Variants in ANLN observed in about 807,000 individuals in gnomAD.
ANLN encodes anillin.
ANLN carries 59 observed loss-of-function variants against 135.1 expected under a neutral mutation model. The ratio of observed to expected loss-of-function variants is 0.44; its 90% CI spans 0.35 to 0.54. The LOEUF is 0.54. ANLN is among the 20% of genes least tolerant of loss of function. The probability of loss-of-function intolerance (pLI) is 0.00; values close to 1 mark genes in which losing one functional copy is unlikely to be tolerated. For missense variants in ANLN, 1,182 were observed against 1,340.0 expected (o/e 0.88, Z 1.84); for synonymous variants, 406 against 456.4 (o/e 0.89, Z 1.41).
At chr7:36,444,314 T>C (rs1403341829) in intron 22 of ANLN, among the ~76,000 whole-genome samples, 1 of 150,404 alleles carries the variant, frequency 6.6e-6, no homozygotes, top group African/African-American at 2.5e-5. Context: ...AATGTTTTTG[T>C]TGTAGGTGTG....
chr7:36,435,269 C>G (rs991864514), intron 20 of ANLN, among the ~76,000 whole-genome samples: 3 of 152,158 alleles, frequency 2.0e-5, no homozygotes, highest in African/African-American at 7.2e-5. Flanking sequence ...CCAGCCACTA[C>G]AGGCAACCAT....
chr7:36,438,808 A>T (rs182487639), intron 20 of ANLN, among the ~76,000 whole-genome samples: 3 of 152,200 alleles, frequency 2.0e-5, no homozygotes, highest in African/African-American at 7.2e-5. Flanking sequence ...GAATTCAAGG[A>T]CTGGCTTTTC....
At chr7:36,436,895 A>G (rs2116760895) in intron 20 of ANLN, among the ~76,000 whole-genome samples, 1 of 152,334 alleles carries the variant, frequency 6.6e-6, no homozygotes. Context: ...TATCAGATAT[A>G]TAATTGACAA....
chr7:36,440,220 G>A (rs915079934), intron 21 of ANLN, among the ~76,000 whole-genome samples: 9 of 152,208 alleles, frequency 5.9e-5, no homozygotes, highest in African/African-American at 1.9e-4. Context: ...CCAACTCACT[G>A]GAGGAGTGCC....
At chr7:36,408,237 G>A (rs1418989852) in intron 5 of ANLN, among the ~76,000 whole-genome samples, 1 of 152,006 alleles carries the variant, frequency 6.6e-6, no homozygotes, top group African/African-American at 2.4e-5. Context: ...TTTTGATTCA[G>A]ACAAAGCATG....
At chr7:36,445,832 A>G (rs1448326619) in intron 22 of ANLN, among the ~76,000 whole-genome samples, 1 of 152,196 alleles carries the variant, frequency 6.6e-6, no homozygotes, top group Non-Finnish European at 1.5e-5. Context: ...TTCCATTCCC[A>G]CCAGGAGTAT....
chr7:36,452,455 CTT>C lies in ANLN; in HGVS notation c.3252-20_3252-19del. On this transcript the variant is annotated intron_variant, in intron 23 of 23. Coordinates refer to ENST00000265748, the MANE Select transcript of ANLN (RefSeq NM_018685.5). The stretch of plus-strand genomic sequence containing the variant: ...AATGGAGGGAGAAGAATTCTGACCT[CTT>C]TGGTTGTTTGTTCCTGTAGGAACTG... 6.2e-7 allele frequency: 1 copy of C among 1,613,696 alleles called. No individual in the cohort carries two copies. Among genetic ancestry groups the C allele is most frequent in the South Asian group, 1.1e-5 (1 of 91,066 alleles).
At chr7:36,443,454 T>A (rs1788861336) in intron 21 of ANLN, among the ~76,000 whole-genome samples, 1 of 152,076 alleles carries the variant, frequency 6.6e-6, no homozygotes, top group Non-Finnish European at 1.5e-5. Context: ...TTCTGTTGTT[T>A]AAGGAGCATT....
At chr7:36,441,429 A>G (rs983567395) in intron 21 of ANLN, among the ~76,000 whole-genome samples, 15 of 152,128 alleles carry the variant, frequency 9.9e-5, no homozygotes, top group African/African-American at 3.6e-4. Flanking sequence ...TACCCCCTAT[A>G]AAAAATTAGA....
chr7:36,412,571 G>A lies in ANLN; in HGVS notation c.1395+1405G>A, dbSNP rs1031592953. Among the ~76,000 whole-genome samples, 26 of 151,858 alleles carry A rather than the reference G, an allele frequency of 1.7e-4. No homozygotes were observed. The East Asian group carries it at 2.3e-3, about 14-fold the overall frequency. On this transcript the variant is annotated intron_variant, in intron 7 of 23. Coordinates refer to ENST00000265748, the MANE Select transcript of ANLN (RefSeq NM_018685.5). ...TCGAACTCGTGACCTCAGGTGATCC[G>A]CCCGCCTCAGCCTCTCAAAGTGCAG...
At chr7:36,398,556 A>G (rs1233018652) in intron 2 of ANLN, among the ~76,000 whole-genome samples, 1 of 152,182 alleles carries the variant, frequency 6.6e-6, no homozygotes, top group African/African-American at 2.4e-5. Context: ...TTTATTTACT[A>G]TTGTCTTAAC....
intron 3 of ANLN, among the ~76,000 whole-genome samples, chr7:36,405,686 A>G (rs538600907): frequency 6.6e-6 from 1 of 152,240 alleles, no homozygotes; most frequent in Non-Finnish European, 1.5e-5. Context: ...GACACTAGCC[A>G]TATGTGGATG....
At chr7:36,416,459 C>T (rs1787646719) in intron 8 of ANLN, among the ~76,000 whole-genome samples, 1 of 152,184 alleles carries the variant, frequency 6.6e-6, no homozygotes, top group Admixed American at 6.5e-5. Flanking sequence ...GTCATTAAAA[C>T]AGGCATCTTT....
At chr7:36,434,103 T>C (rs1788431864) in intron 20 of ANLN, among the ~76,000 whole-genome samples, 2 of 152,236 alleles carry the variant, frequency 1.3e-5, no homozygotes, top group Non-Finnish European at 2.9e-5. Flanking sequence ...TATTATATTA[T>C]AAAAGAACAG....
intron 12 of ANLN, among the ~76,000 whole-genome samples, chr7:36,421,494 G>C (rs774610922): frequency 6.6e-6 from 1 of 151,448 alleles, no homozygotes; most frequent in Non-Finnish European, 1.5e-5. Context: ...CTGGGATTAC[G>C]GGTGTGAGCC....
In ANLN at chr7:36,422,777, C is replaced by T. The variant is rs2116674272; in HGVS notation, c.2444C>T (p.Ala815Val). Residue 815 changes from alanine (A) to valine (V), a missense_variant, in exon 14 of 24, where the codon GCA (alanine) becomes GTA (valine). This residue lies in a region of ANLN where 1,022 missense variants were observed against 1,134.0 expected (regional missense o/e 0.90). Coordinates refer to ENST00000265748, the MANE Select transcript of ANLN (RefSeq NM_018685.5). ...TCAGAAATCCGCTTGCCTCTAAAAG[C>T]AGATTTTGTCTGCAGTACGGTTCAG... Reference protein sequence around the residue: ...TLSEIRLPLKADFVCSTVQKP... With the variant: ...TLSEIRLPLKVDFVCSTVQKP... 6.2e-7 allele frequency: 1 copy of T among 1,612,148 alleles called. No individual in the cohort carries two copies. Among genetic ancestry groups the T allele is most frequent in the East Asian group, 2.2e-5 (1 of 44,836 alleles).
In ANLN at chr7:36,410,592, G is replaced by A. The variant is rs138329355; in HGVS notation, c.1175G>A (p.Ser392Asn). Reference sequence around the variant, plus strand: ...CATAGCAAAGAAAGTCCAGCTCGTAGCACACCCCACAGAACCCCCATTATT... The same window carrying A: ...CATAGCAAAGAAAGTCCAGCTCGTAACACACCCCACAGAACCCCCATTATT... The part of the protein sequence containing the change: ...QEHSKESPAR[S>N]TPHRTPIITP... Residue 392 changes from serine to asparagine, a missense_variant, in exon 6 of 24, where the codon AGC becomes AAC. Ser to Asn is a conservative substitution (Grantham distance 46). Coordinates refer to ENST00000265748, the MANE Select transcript of ANLN (RefSeq NM_018685.5). The A allele has an allele frequency of 1.4e-5, 23 of 1,614,082 alleles. No homozygotes were observed. In the African/African-American group the frequency reaches 2.0e-4, roughly 14 times the overall value.
chr7:36,427,195 T>C (rs558384702), intron 20 of ANLN, among the ~76,000 whole-genome samples, 167 bp downstream of exon 20: 1 of 152,030 alleles, frequency 6.6e-6, no homozygotes, highest in African/African-American at 2.4e-5. Context: ...AAATGTTTTT[T>C]TTTTTTTTTG....
At chr7:36,420,127 T>C in intron 10 of ANLN, 42 bp from the exon 11 acceptor site, 2 of 1,564,672 alleles carry the variant, frequency 1.3e-6, no homozygotes, top group Non-Finnish European at 1.7e-6. Flanking sequence ...AAATGAATTA[T>C]CATTTAGGAT....
Sources: gnomAD v4.1 joint callset for allele counts (sites outside exome capture counted in the v4.1 genomes callset) on GRCh38, gnomAD v4.1.1 for gene constraint, gnomAD v4.1.1 regional missense constraint, MANE v1.5 for transcripts, NCBI Gene and HGNC (gene_info 2026-07-23, HGNC 2026-07-21) for gene names.